The following SCNM1 variants were observed in gnomAD, a reference collection of about 807,000 sequenced individuals.
SCNM1 encodes sodium channel modifier 1.
SCNM1 carries 24 observed loss-of-function variants against 32.8 expected under a neutral mutation model. The observed-to-expected ratio is 0.73, with a 90% CI of 0.53 to 1.03. SCNM1 has a LOEUF of 1.03. Ranked by LOEUF, SCNM1 falls within the 50% of genes least tolerant of loss-of-function variation. The pLI is 0.00. For synonymous variants in SCNM1, 99 were observed against 103.2 expected, an observed-to-expected ratio of 0.96 and a Z score of 0.25; for missense variants, 274 against 282.3, an observed-to-expected ratio of 0.97 and a Z score of 0.21.
At position 151,166,950 on chromosome 1, in the gene SCNM1, T is replaced by C; in HGVS notation, c.139T>C (p.Cys47Arg). ...CCTGCTCAGCTTTGCTTGTGCCATC[T>C]GCCCCCATCGACCGGTACTGGACAC... ...LRDGRFACAICPHRPVLDTLA... is the reference protein window; with the variant it reads ...LRDGRFACAIRPHRPVLDTLA... The change falls in exon 3 of 7, where the codon TGC (cysteine) becomes CGC (arginine). Residue 47 changes from cysteine to arginine, a missense_variant. Coordinates refer to ENST00000368905, the MANE Select transcript of SCNM1 (RefSeq NM_024041.4). 1 of 1,614,132 alleles carries C rather than the reference T, an allele frequency of 6.2e-7. No individual in the cohort carries two copies. The highest frequency in any genetic ancestry group is 1.1e-5 in the South Asian group (1 of 91,086).
chr1:151,168,251 A>G lies in SCNM1; in HGVS notation c.506A>G (p.Gln169Arg). The G allele has an allele frequency of 6.2e-7, 1 of 1,614,220 alleles. No homozygotes were observed. The highest frequency in any genetic ancestry group is 8.5e-7 in the Non-Finnish European group (1 of 1,180,046). Residue 169 changes from glutamine (Q) to arginine (R), a missense_variant, in exon 6 of 7, where the codon CAG (glutamine) becomes CGG (arginine). Coordinates refer to ENST00000368905, the MANE Select transcript of SCNM1 (RefSeq NM_024041.4). ...SREPEPAAGP[Q>R]AEESATVSAP... ...GAACCTGAACCTGCGGCTGGCCCAC[A>G]GGCCGAGGAGTCAGCAACTGTCTCA...
chr1:151,170,084 T>C lies in SCNM1; in HGVS notation c.*999T>C, dbSNP rs374246114. 1.9e-5 allele frequency: 30 copies of C among 1,614,080 alleles called. No homozygotes were observed. Among genetic ancestry groups the C allele is most frequent in the Middle Eastern group, 1.6e-4 (1 of 6,084 alleles). On this transcript the variant is annotated 3_prime_UTR_variant, in exon 7 of 7. Coordinates refer to ENST00000368905, the MANE Select transcript of SCNM1 (RefSeq NM_024041.4). Reference sequence around the variant, plus strand: ...GTTGGTAAAGGGAAATGCAGTGTTATCTCTTCTTTTGCTGGCGACCTGTAA... The same window carrying C: ...GTTGGTAAAGGGAAATGCAGTGTTACCTCTTCTTTTGCTGGCGACCTGTAA...
rs781777679 is a variant in SCNM1, at chr1:151,167,309, T to C, written c.310-17T>C. 6 of 1,614,052 alleles carry C rather than the reference T, an allele frequency of 3.7e-6. No homozygotes were observed. The Admixed American group carries it at 1.0e-4, about 27-fold the overall frequency. ...GAGGGCTGAAGGCTCTGACTCTGTC[T>C]CCCATCTCCTTACCAGGCTCCTCTG... is the stretch of plus-strand genomic sequence containing the variant. On this transcript the variant is annotated splice_polypyrimidine_tract_variant and intron_variant, in intron 4 of 6. Coordinates refer to ENST00000368905, the MANE Select transcript of SCNM1 (RefSeq NM_024041.4).
Position 151,166,552 on chromosome 1 carries a change from G to A in SCNM1, c.122+11G>A. The stretch of plus-strand genomic sequence containing the variant: ...GCTTCGGGATGGACGGTAAGAGCAA[G>A]GAGTGGCTCAAGCCTGAGGGTTCTG... On this transcript the variant is annotated intron_variant, in intron 2 of 6. Coordinates refer to ENST00000368905, the MANE Select transcript of SCNM1 (RefSeq NM_024041.4). 6.2e-7 allele frequency: 1 copy of A among 1,613,720 alleles called. No individual in the cohort carries two copies. The highest frequency in any genetic ancestry group is 8.5e-7 in the Non-Finnish European group (1 of 1,179,908).
At position 151,166,149 on chromosome 1, in the gene SCNM1, C is replaced by G; in HGVS notation, c.-4C>G. 2 of 1,598,758 alleles carry G rather than the reference C, an allele frequency of 1.3e-6. No homozygotes were observed. The highest frequency in any genetic ancestry group is 1.7e-6 in the Non-Finnish European group (2 of 1,169,336). On this transcript the variant is annotated 5_prime_UTR_variant, in exon 1 of 7. Transcript: ENST00000368905. ...ATTTATCACTTCTGGGACTCACAGT[C>G]GTGATGTCTTTCAAGAGGGAAGGAG...
Position 151,167,195 on chromosome 1 carries a change from A to G in SCNM1, c.286A>G (p.Arg96Gly). The G allele has an allele frequency of 1.9e-6, 3 of 1,614,200 alleles. No individual in the cohort carries two copies. Among genetic ancestry groups the G allele is most frequent in the Non-Finnish European group, 2.5e-6 (3 of 1,180,040 alleles). The change falls in exon 4 of 7, where the codon AGA becomes GGA. Residue 96 changes from arginine (R) to glycine (G), a missense_variant. Transcript: ENST00000368905. ...KQNPKHQNELRREETKAEAPL... is the reference protein window; with the variant it reads ...KQNPKHQNELGREETKAEAPL... ...GAATCCAAAACATCAGAATGAATTG[A>G]GAAGGGAAGAAACCAAAGCTGAGGT... is the stretch of plus-strand genomic sequence containing the variant.
Position 151,167,327 on chromosome 1 carries a change from C to A in SCNM1, c.311C>A (p.Ala104Asp). 1 of 1,614,122 alleles carries A rather than the reference C, an allele frequency of 6.2e-7. No homozygotes were observed. The highest frequency in any genetic ancestry group is 8.5e-7 in the Non-Finnish European group (1 of 1,180,016). Residue 104 changes from alanine (A) to aspartate (D), a missense_variant and splice_region_variant, in exon 5 of 7, where the codon GCT becomes GAT. By Grantham distance (126) the Ala-to-Asp change is moderately radical (BLOSUM62 -2). Transcript: ENST00000368905. ...ELRREETKAE[A>D]PLLTQTRLIT... ...CTCTGTCTCCCATCTCCTTACCAGG[C>A]TCCTCTGCTAACTCAGACACGACTT...
rs1225535600 is a variant in SCNM1, at chr1:151,169,102, A to G, written c.*17A>G. On this transcript the variant is annotated 3_prime_UTR_variant, in exon 7 of 7. Transcript: ENST00000368905. The stretch of plus-strand genomic sequence containing the variant: ...TTGGACTGATACCCTTTTCCCATTC[A>G]TTCACAAATAAATTACAATGGGTGC... 3 of 1,613,780 alleles carry G rather than the reference A, an allele frequency of 1.9e-6. No individual in the cohort carries two copies. Among genetic ancestry groups the G allele is most frequent in the Non-Finnish European group, 2.5e-6 (3 of 1,179,856 alleles).
At chr1:151,167,689 T>A in intron 5 of SCNM1, 3 of 417,516 alleles carry the variant, frequency 7.2e-6, no homozygotes, top group Non-Finnish European at 1.3e-5. Flanking sequence ...AAAAATTAGC[T>A]GGGTGTGTGG....
At chr1:151,167,520 T>C (rs1263291522) in intron 5 of SCNM1, 106 bp downstream of exon 5, 2 of 1,482,548 alleles carry the variant, frequency 1.3e-6, no homozygotes, top group Admixed American at 3.4e-5. Flanking sequence ...CTGGAGATGT[T>C]ACTTAGTGTT....
chr1:151,167,539 A>C (rs1312534821), intron 5 of SCNM1, 125 bp downstream of exon 5: 1 of 1,435,090 alleles, frequency 7.0e-7, no homozygotes, highest in Non-Finnish European at 9.7e-7. Flanking sequence ...TTTCAAGAAA[A>C]GGAGAATTTT....
chr1:151,167,944 A>G, intron 5 of SCNM1, 200 bp from the exon 6 acceptor site: 1 of 531,370 alleles, frequency 1.9e-6, no homozygotes, highest in South Asian at 4.7e-5. Context: ...TAAAAACTAT[A>G]CAAAGTCTTA....
chr1:151,168,221 G>A lies in SCNM1; in HGVS notation c.476G>A (p.Ser159Asn), dbSNP rs756474374. ...SEVKLQSGKI[S>N]REPEPAAGPQ... The stretch of plus-strand genomic sequence containing the variant: ...GTCAAACTCCAAAGTGGGAAGATCA[G>A]TAGGGAACCTGAACCTGCGGCTGGC... The change falls in exon 6 of 7, where the codon AGT (serine) becomes AAT (asparagine). Residue 159 changes from serine (S) to asparagine (N), a missense_variant. Coordinates refer to ENST00000368905, the MANE Select transcript of SCNM1 (RefSeq NM_024041.4). The A allele has an allele frequency of 6.2e-7, 1 of 1,614,174 alleles. No individual in the cohort carries two copies. Among genetic ancestry groups the A allele is most frequent in the South Asian group, 1.1e-5 (1 of 91,086 alleles).
In SCNM1 at chr1:151,167,334, GCTAA is replaced by G; in HGVS notation, c.321_324del (p.Thr108ArgfsTer74). On this transcript the variant is annotated frameshift_variant, in exon 5 of 7. Coordinates refer to ENST00000368905, the MANE Select transcript of SCNM1 (RefSeq NM_024041.4). LOFTEE classifies it high-confidence loss of function. ...TCCCATCTCCTTACCAGGCTCCTCTGCTAACTCAGACACGACTTATCACCCAGAG... is the reference window on the plus strand; with the variant it reads ...TCCCATCTCCTTACCAGGCTCCTCTGCTCAGACACGACTTATCACCCAGAG... 1 of 1,614,116 alleles carries G rather than the reference GCTAA, an allele frequency of 6.2e-7. No homozygotes were observed. The highest frequency in any genetic ancestry group is 8.5e-7 in the Non-Finnish European group (1 of 1,180,026).
intron 6 of SCNM1, 141 bp downstream of exon 6, chr1:151,168,479 G>C (rs1192751628): frequency 3.2e-6 from 4 of 1,263,746 alleles, no homozygotes; most frequent in South Asian, 3.3e-5. Flanking sequence ...CACGCTCTCG[G>C]CTCACTGTAA....
Position 151,169,207 on chromosome 1 carries a change from C to G in SCNM1, c.*122C>G, listed in dbSNP as rs369906216. 6.6e-6 allele frequency: 7 copies of G among 1,063,688 alleles called. No individual in the cohort carries two copies. The South Asian group carries it at 7.3e-5, about 11-fold the overall frequency. 65.9% of individuals were successfully genotyped at this position (1,063,688 alleles called of 1,614,324 possible). ...TCTGTTCATTCTCATTCCAACTACTCCTTGCCTGCAAGGTACACAGCTCTC... is the reference window on the plus strand; with the variant it reads ...TCTGTTCATTCTCATTCCAACTACTGCTTGCCTGCAAGGTACACAGCTCTC... On this transcript the variant is annotated 3_prime_UTR_variant, in exon 7 of 7. Coordinates refer to ENST00000368905, the MANE Select transcript of SCNM1 (RefSeq NM_024041.4).
Position 151,168,973 on chromosome 1 carries a change from C to G in SCNM1, c.594-13C>G. 6.2e-7 allele frequency: 1 copy of G among 1,613,664 alleles called. No homozygotes were observed. Among genetic ancestry groups the G allele is most frequent in the East Asian group, 2.2e-5 (1 of 44,886 alleles). On this transcript the variant is annotated splice_polypyrimidine_tract_variant and intron_variant, in intron 6 of 6. Transcript: ENST00000368905. ...TCTTTCCTGATCGATGCTATTTTCTCTGATGTTTCCAGCTCTGGATGGATC... is the reference window on the plus strand; with the variant it reads ...TCTTTCCTGATCGATGCTATTTTCTGTGATGTTTCCAGCTCTGGATGGATC...
chr1:151,166,480 G>C lies in SCNM1; in HGVS notation c.61G>C (p.Val21Leu). ...SQLNVLKKRRVGDLLASYIPE... is the reference protein window; with the variant it reads ...SQLNVLKKRRLGDLLASYIPE... Reference sequence around the variant, plus strand: ...CCCCTACTCCCTGCAGAAAAGAAGAGTCGGGGACCTCCTAGCCAGTTACAT... The same window carrying C: ...CCCCTACTCCCTGCAGAAAAGAAGACTCGGGGACCTCCTAGCCAGTTACAT... Residue 21 changes from valine (V) to leucine (L), a missense_variant, in exon 2 of 7, where the codon GTC (valine) becomes CTC (leucine). Coordinates refer to ENST00000368905, the MANE Select transcript of SCNM1 (RefSeq NM_024041.4). The C allele has an allele frequency of 1.2e-6, 2 of 1,614,064 alleles. No homozygotes were observed. The highest frequency in any genetic ancestry group is 2.2e-5 in the East Asian group (1 of 44,876).
Position 151,170,226 on chromosome 1 carries a change from A to C in SCNM1, c.*1141A>C. ...TTGGTAGTGTCTTAGGCCACCTTAC[A>C]GGCCCATCCCACATTAACAAAACAA... On this transcript the variant is annotated 3_prime_UTR_variant, in exon 7 of 7. Transcript: ENST00000368905. 9.0e-7 allele frequency: 1 copy of C among 1,111,046 alleles called. No individual in the cohort carries two copies. The highest frequency in any genetic ancestry group is 2.4e-5 in the East Asian group (1 of 42,154). 68.8% of individuals were successfully genotyped at this position (1,111,046 alleles called of 1,614,324 possible).
Sources: gnomAD v4.1 joint callset for allele counts on GRCh38, gnomAD v4.1.1 for gene constraint, MANE v1.5 for transcripts, NCBI Gene and HGNC (gene_info 2026-07-23, HGNC 2026-07-21) for gene names.